The following HYDIN variants were observed in gnomAD, a reference collection of about 807,000 sequenced individuals.
The protein encoded by HYDIN is HYDIN axonemal central pair apparatus protein.
Under a neutral mutation model 403.9 loss-of-function variants are expected in HYDIN, and 132 were observed. The ratio of observed to expected loss-of-function variants is 0.33; its 90% CI spans 0.28 to 0.38. HYDIN has a LOEUF of 0.38. HYDIN is among the 10% of genes least tolerant of loss of function. The pLI is 1.00. For missense variants in HYDIN, 2,827 were observed against 5,009.5 expected (o/e 0.56, Z 13.15); for synonymous variants, 1,202 against 1,891.7 (o/e 0.64, Z 9.46).
intron 65 of HYDIN, 71 bp from the exon 66 acceptor site, chr16:70,868,859 T>C (rs1176702135): frequency 1.4e-6 from 2 of 1,479,614 alleles, no homozygotes; most frequent in South Asian, 2.6e-5. Context: ...GCTGGTGATA[T>C]TCTAGAGAAG....
At chr16:71,059,674 G>A (rs2082018235) in intron 18 of HYDIN, among the ~76,000 whole-genome samples, 1 of 152,084 alleles carries the variant, frequency 6.6e-6, no homozygotes, top group Non-Finnish European at 1.5e-5. Flanking sequence ...ACTACCTGTT[G>A]GATACTATGC....
Position 71,186,892 on chromosome 16 carries a change from T to C in HYDIN, c.4A>G (p.Thr2Ala), listed in dbSNP as rs775054830. 1.9e-6 allele frequency: 3 copies of C among 1,608,202 alleles called. No individual in the cohort carries two copies. In the South Asian group the frequency reaches 3.4e-5, roughly 18 times the overall value. The change falls in exon 2 of 86, where the codon ACA (threonine) becomes GCA (alanine). Residue 2 changes from threonine (T) to alanine (A), a missense_variant. Thr to Ala is a moderately conservative substitution (Grantham distance 58). Transcript: ENST00000393567. ...ATGGACTCCTCAAGTCTTCTACTTG[T>C]CATTTTTAGTAATTTTTTTTTCTCA... is the stretch of plus-strand genomic sequence containing the variant. M[T>A]SRRLEESMGA... is the part of the protein sequence containing the mutation.
chr16:71,061,510 G>C (rs184404459), intron 17 of HYDIN, among the ~76,000 whole-genome samples: 6,083 of 152,118 alleles, frequency 0.04, 127 homozygotes, highest in African/African-American at 0.14. Context: ...CTTCAACTCA[G>C]CCTAAGCAGT....
intron 80 of HYDIN, among the ~76,000 whole-genome samples, chr16:70,830,591 T>C (rs2036911344): frequency 7.0e-6 from 1 of 143,868 alleles, no homozygotes; most frequent in African/African-American, 2.6e-5. Flanking sequence ...ACACTTGCAA[T>C]AGGCCAGGTG....
chr16:70,901,176 C>A lies in HYDIN; in HGVS notation c.8876G>T (p.Arg2959Leu), dbSNP rs781490398. The A allele has an allele frequency of 2.4e-5, 22 of 909,514 alleles. No homozygotes were observed. Among genetic ancestry groups the A allele is most frequent in the Middle Eastern group, 5.4e-4 (2 of 3,688 alleles). The allele number at this position is 909,514 out of a possible 1,614,324, so 56.3% of individuals were successfully genotyped here. A position where few individuals can be genotyped will look rare whatever the true frequency, so the allele number is the denominator to read the frequency against. Reference protein sequence around the residue: ...HRQESRVVLLRNVTLLPVAWR... With the variant: ...HRQESRVVLLLNVTLLPVAWR... ...GGCCACAGGCAGGAGCGTGACATTG[C>A]GGAGAAGAACTACCCTGGATTCCTG... The change falls in exon 53 of 86, where the codon CGC becomes CTC. Residue 2959 changes from arginine to leucine, a missense_variant. By Grantham distance (102) the Arg-to-Leu change is moderately radical. Transcript: ENST00000393567.
intron 1 of HYDIN, among the ~76,000 whole-genome samples, chr16:71,207,282 TAAAGA>T (rs778518158): frequency 2.0e-5 from 3 of 152,162 alleles, no homozygotes; most frequent in East Asian, 1.9e-4. Context: ...TCAACATTCT[TAAAGA>T]AAAGAAATTC....
At chr16:70,895,908 T>C (rs1420626735) in intron 54 of HYDIN, 73 bp downstream of exon 54, 2 of 1,494,884 alleles carry the variant, frequency 1.3e-6, no homozygotes, top group Non-Finnish European at 1.8e-6. Flanking sequence ...CACACTAGCC[T>C]TTCTCTACAC....
intron 47 of HYDIN, among the ~76,000 whole-genome samples, chr16:70,915,327 G>A (rs947648306): frequency 3.3e-5 from 5 of 152,120 alleles, no homozygotes; most frequent in Non-Finnish European, 5.9e-5. Flanking sequence ...TGTCCCACAG[G>A]GTGTTCCCTT....
At chr16:71,052,260 G>A (rs2081680473) in intron 18 of HYDIN, among the ~76,000 whole-genome samples, 1 of 151,602 alleles carries the variant, frequency 6.6e-6, no homozygotes, top group Admixed American at 6.6e-5. Context: ...TCATTAAGCT[G>A]TAGCTTTTAA....
At position 70,970,741 on chromosome 16, in the gene HYDIN, G is replaced by A. The variant is rs1472668038; in HGVS notation, c.5398C>T (p.Leu1800=). 8.9e-6 allele frequency: 14 copies of A among 1,570,886 alleles called. No individual in the cohort carries two copies. The East Asian group carries it at 2.5e-4, about 28-fold the overall frequency. The change falls in exon 36 of 86, where the codon CTG becomes TTG. Residue 1800 remains leucine, a synonymous_variant. Coordinates refer to ENST00000393567, the MANE Select transcript of HYDIN (RefSeq NM_001270974.2). ...PKEEKFYSQT[L]VFQIAQSAQK... ...GCACTCTGGGCAATCTGAAACACCAGGGTTTGGCTGTAGAATTTCTGGAAA... is the reference window on the plus strand; with the variant it reads ...GCACTCTGGGCAATCTGAAACACCAAGGTTTGGCTGTAGAATTTCTGGAAA...
rs199681003 is a variant in HYDIN, at chr16:70,849,924, C to A, written c.12675G>T (p.Gln4225His). 5.4e-3 allele frequency: 3,457 copies of A among 644,834 alleles called. 100 individuals carry two copies. The African/African-American group carries it at 0.058, about 11-fold the overall frequency. 39.9% of individuals were successfully genotyped at this position (644,834 alleles called of 1,614,324 possible). The change falls in exon 75 of 86, where the codon CAG (glutamine) becomes CAT (histidine). Residue 4225 changes from glutamine to histidine, a missense_variant. Coordinates refer to ENST00000393567, the MANE Select transcript of HYDIN (RefSeq NM_001270974.2). ...FYEVELNECV[Q>H]CEFNFINTGK... is the part of the protein sequence containing the mutation. ...CAGTGTTGATAAAGTTGAATTCACACTGGACACATTCATTTAACTCCACCT... is the reference window on the plus strand; with the variant it reads ...CAGTGTTGATAAAGTTGAATTCACAATGGACACATTCATTTAACTCCACCT...
chr16:70,942,996 T>A (rs2077729299), intron 42 of HYDIN, among the ~76,000 whole-genome samples: 1 of 152,158 alleles, frequency 6.6e-6, no homozygotes, highest in Admixed American at 6.5e-5. Context: ...AAAACTTTCT[T>A]GTGATGATAT....
intron 18 of HYDIN, among the ~76,000 whole-genome samples, chr16:71,052,101 C>G (rs959298637): frequency 7.2e-5 from 11 of 152,278 alleles, no homozygotes; most frequent in Admixed American, 2.0e-4. Context: ...ATTTGAGCTA[C>G]TTATTTATCA....
chr16:71,027,550 T>C (rs761803827), intron 20 of HYDIN, 52 bp downstream of exon 20: 13 of 1,610,562 alleles, frequency 8.1e-6, no homozygotes, highest in Non-Finnish European at 1.1e-5. Context: ...ATAGATACAG[T>C]AGAGATTTAT....
chr16:71,051,518 C>T (rs1359066378), intron 18 of HYDIN, among the ~76,000 whole-genome samples: 6 of 151,808 alleles, frequency 4.0e-5, no homozygotes, highest in African/African-American at 1.2e-4. Flanking sequence ...TGGTGGCGGG[C>T]GCCTGTAGTC....
intron 83 of HYDIN, among the ~76,000 whole-genome samples, chr16:70,820,712 G>C (rs1309024199): frequency 6.7e-6 from 1 of 149,972 alleles, no homozygotes; most frequent in South Asian, 2.1e-4. Context: ...GCAGTGGTGC[G>C]ATCTCAGCTC....
At chr16:70,928,252 C>T (rs575610133) in intron 45 of HYDIN, among the ~76,000 whole-genome samples, 2 of 152,260 alleles carry the variant, frequency 1.3e-5, no homozygotes, top group African/African-American at 4.8e-5. Context: ...TGCTTGAGCC[C>T]GGGAGTTTGA....
At chr16:71,069,177 A>C in intron 14 of HYDIN, 90 bp downstream of exon 14, 3 of 1,431,670 alleles carry the variant, frequency 2.1e-6, no homozygotes, top group Non-Finnish European at 2.9e-6. Context: ...CTGACACTGG[A>C]CATGCTAGAG....
At chr16:71,053,517 T>C (rs1243252733) in intron 18 of HYDIN, among the ~76,000 whole-genome samples, 2 of 151,794 alleles carry the variant, frequency 1.3e-5, no homozygotes, top group African/African-American at 2.4e-5. Flanking sequence ...TTAACATGGA[T>C]AGATGTTGTA....
Sources: gnomAD v4.1 joint callset for allele counts (sites outside exome capture counted in the v4.1 genomes callset) on GRCh38, gnomAD v4.1.1 for gene constraint, MANE v1.5 for transcripts, NCBI Gene and HGNC (gene_info 2026-07-23, HGNC 2026-07-21) for gene names.